Variants in CSF2RA observed in about 807,000 individuals in gnomAD.
The protein encoded by CSF2RA is granulocyte-macrophage colony-stimulating factor receptor subunit alpha.
Under a neutral mutation model 51.6 loss-of-function variants are expected in CSF2RA, and 42 were observed. That is an observed-to-expected ratio of 0.81 (90% confidence interval 0.64 to 1.05). CSF2RA has a LOEUF of 1.05. Among genes scored for constraint, CSF2RA ranks in the 50% least tolerant of loss-of-function variants. The pLI is 0.00. For synonymous variants in CSF2RA, 222 were observed against 193.0 expected (o/e 1.15, Z -1.24); for missense variants, 530 against 501.1 (o/e 1.06, Z -0.55).
intron 2 of CSF2RA, among the ~76,000 whole-genome samples, chrX:1,277,531 G>A (rs2089337134): frequency 7.5e-6 from 1 of 133,620 alleles, no homozygotes; most frequent in African/African-American, 2.8e-5. Context: ...GGGAGGCGAT[G>A]CTTGCAGTGA....
chrX:1,314,577 GCCCAACCCCACTGCA>G (rs1569514957), downstream of CSF2RA, among the ~76,000 whole-genome samples: 122 of 40,104 alleles, frequency 3.0e-3, 10 homozygotes, highest in African/African-American at 5.3e-3. Context: ...CACTGCACCT[GCCCAACCCCACTGCA>G]CCTGCCCAAC....
At chrX:1,318,528 T>G in the CSF2RA span, among the ~76,000 whole-genome samples, 4 of 151,716 alleles carry the variant, frequency 2.6e-5, no homozygotes, top group African/African-American at 9.7e-5. Flanking sequence ...CCCCAGGCCG[T>G]TGGACTTTGC....
chrX:1,287,696 G>T (rs59018868), intron 4 of CSF2RA, among the ~76,000 whole-genome samples: 1 of 132,760 alleles, frequency 7.5e-6, no homozygotes, highest in African/African-American at 2.9e-5. Context: ...CACCCGCCTC[G>T]GCCTCCCAGA....
rs761009311 is a variant in CSF2RA, at chrX:1,276,169, TTTTGTTTGTTTG to T, written c.-27+1375_-27+1386del. 7.7e-4 allele frequency among the ~76,000 whole-genome samples: 112 copies of T among 146,176 alleles called. 1 individual carries two copies. Among genetic ancestry groups the T allele is most frequent in the South Asian group, 2.6e-3 (12 of 4,608 alleles). On this transcript the variant is annotated intron_variant, in intron 2 of 12. Transcript: ENST00000381529. ...AGGTACGCCACCACGCCTGGCTAAA[TTTTGTTTGTTTG>T]TTTGTTTGTTTGTTTGTTTGTTTTT...
chrX:1,314,508 C>T (rs370995320), downstream of CSF2RA, among the ~76,000 whole-genome samples: 17,678 of 87,264 alleles, frequency 0.2, 2,561 homozygotes, highest in Middle Eastern at 0.32. Flanking sequence ...CCTGCCCAAC[C>T]GCACTGCACC....
chrX:1,317,089 G>C, the CSF2RA span, among the ~76,000 whole-genome samples: 1 of 151,496 alleles, frequency 6.6e-6, no homozygotes, highest in Admixed American at 6.6e-5. Context: ...TGGGACTACA[G>C]GTGCCCACCA....
rs140664183 is a variant in CSF2RA at position 1,300,601 on chromosome X, C to T, written c.921C>T (p.Ser307=). 173 of 1,613,862 alleles carry T rather than the reference C, an allele frequency of 1.1e-4. 1 individual carries two copies. In the African/African-American group the frequency reaches 2.1e-3, roughly 19 times the overall value. ...CAGACGTCCGCATCTTGAATTGGAGCTCCTGGAGTGAAGCCATTGAATTTG... is the reference window on the plus strand; with the variant it reads ...CAGACGTCCGCATCTTGAATTGGAGTTCCTGGAGTGAAGCCATTGAATTTG... ...RAADVRILNW[S]SWSEAIEFGS... Residue 307 remains serine, a synonymous_variant, in exon 10 of 13, where the codon AGC becomes AGT. Coordinates refer to ENST00000381529, the MANE Select transcript of CSF2RA (RefSeq NM_172245.4).
At chrX:1,294,969 T>G (rs1308765710) in intron 8 of CSF2RA, among the ~76,000 whole-genome samples, 1 of 146,986 alleles carries the variant, frequency 6.8e-6, no homozygotes, top group Non-Finnish European at 1.5e-5. Context: ...GGAGAGAGAC[T>G]GCCTCACGTC....
chrX:1,281,735 G>T (rs1375204212), intron 2 of CSF2RA: 2 of 151,566 alleles, frequency 1.3e-5, no homozygotes, highest in African/African-American at 4.9e-5. Context: ...GTGTTAGAAT[G>T]ACTCAGTCTG....
chrX:1,293,320 G>A (rs1235254431), intron 7 of CSF2RA, among the ~76,000 whole-genome samples: 3 of 152,096 alleles, frequency 2.0e-5, no homozygotes, highest in Non-Finnish European at 2.9e-5. Context: ...CCGGGTTCAC[G>A]CCATTCTCCT....
chrX:1,323,402 T>G, the CSF2RA span, among the ~76,000 whole-genome samples: 1 of 151,960 alleles, frequency 6.6e-6, no homozygotes, highest in African/African-American at 2.4e-5. Flanking sequence ...CCATAGTTAC[T>G]AGTCGGGACT....
At chrX:1,322,251 G>A in the CSF2RA span, among the ~76,000 whole-genome samples, 2 of 147,624 alleles carry the variant, frequency 1.4e-5, no homozygotes, top group Admixed American at 1.4e-4. Context: ...GACGACAGGT[G>A]CCCGCCACGT....
At chrX:1,304,988 T>G (rs1250959089) in intron 11 of CSF2RA, among the ~76,000 whole-genome samples, 2 of 147,198 alleles carry the variant, frequency 1.4e-5, no homozygotes, top group Non-Finnish European at 1.5e-5. Context: ...TGTTTGTCAT[T>G]TGGTGATTTT....
intron 1 of CSF2RA, among the ~76,000 whole-genome samples, chrX:1,270,978 C>A (rs2088322455): frequency 1.3e-5 from 2 of 150,574 alleles, no homozygotes; most frequent in South Asian, 4.2e-4. Flanking sequence ...CACAGCAATT[C>A]CAGACCAGCC....
intron 12 of CSF2RA, among the ~76,000 whole-genome samples, chrX:1,306,596 G>A (rs1324277555): frequency 2.0e-5 from 3 of 151,942 alleles, no homozygotes; most frequent in Non-Finnish European, 4.4e-5. Flanking sequence ...GCAGTGAGCC[G>A]AGATCGCACC....
intron 4 of CSF2RA, chrX:1,287,322 T>G (rs1264628832): frequency 6.7e-6 from 1 of 149,302 alleles, no homozygotes; most frequent in Admixed American, 6.7e-5. Context: ...CCTGGCTAAT[T>G]TTTGTATTTT....
chrX:1,287,219 T>C (rs1231930131), intron 4 of CSF2RA: 1 of 150,272 alleles, frequency 6.7e-6, no homozygotes. Flanking sequence ...ACTGGTGTGA[T>C]CTTGGCTCAC....
At chrX:1,305,380 G>T in intron 11 of CSF2RA, 66 bp from the exon 12 acceptor site, 1 of 1,561,976 alleles carries the variant, frequency 6.4e-7, no homozygotes, top group Non-Finnish European at 8.8e-7. Flanking sequence ...TCGGCACAGG[G>T]CGTTGATGGA....
chrX:1,323,317 C>A, the CSF2RA span, among the ~76,000 whole-genome samples: 1 of 150,494 alleles, frequency 6.6e-6, no homozygotes, highest in Non-Finnish European at 1.5e-5. Flanking sequence ...AGTTCAAGAC[C>A]GGCCTGGCCA....
Sources: gnomAD v4.1 joint callset for allele counts (sites outside exome capture counted in the v4.1 genomes callset) on GRCh38, gnomAD v4.1.1 for gene constraint, MANE v1.5 for transcripts, NCBI Gene and HGNC (gene_info 2026-07-23, HGNC 2026-07-21) for gene names.